Variants in MAP2K5 observed in about 807,000 individuals in gnomAD.
MAP2K5 encodes dual specificity mitogen-activated protein kinase kinase 5.
A neutral mutation model predicts 83.1 loss-of-function variants in MAP2K5; 49 were observed. That is an observed-to-expected ratio of 0.59 (90% CI 0.47 to 0.75). The LOEUF is 0.75. Among genes scored for constraint, MAP2K5 ranks in the 30% least tolerant of loss-of-function variants. The pLI, the probability that MAP2K5 is intolerant of heterozygous loss-of-function variation, is 0.00. For missense variants in MAP2K5, 457 were observed against 557.5 expected, an observed-to-expected ratio of 0.82 and a Z score of 1.82; for synonymous variants, 202 against 191.8, an observed-to-expected ratio of 1.05 and a Z score of -0.44.
Position 67,785,897 on chromosome 15 carries a change from A to G in MAP2K5, c.1242+13145A>G, listed in dbSNP as rs563260708. Among the ~76,000 whole-genome samples, 2 of 152,346 alleles carry G rather than the reference A, an allele frequency of 1.3e-5. No homozygotes were observed. Among genetic ancestry groups the G allele is most frequent in the African/African-American group, 4.8e-5 (2 of 41,584 alleles). On this transcript the variant is annotated intron_variant, in intron 21 of 21. Coordinates refer to ENST00000178640, the MANE Select transcript of MAP2K5 (RefSeq NM_145160.3). This position sits in a 1 kb window ranked among gnomAD's most constrained non-coding sequence, Gnocchi z 4.4. ...AGAAAATATAGCTTCAAGTACAGGC[A>G]CTACCTCTAGGAAACTGGGCAGGCA...
intron 13 of MAP2K5, among the ~76,000 whole-genome samples, chr15:67,678,959 T>G (rs1296879767): frequency 3.5e-5 from 1 of 28,208 alleles, no homozygotes; most frequent in Non-Finnish European, 6.4e-5. Flanking sequence ...TGACACTGCA[T>G]CTCAAAAAAA....
intron 12 of MAP2K5, among the ~76,000 whole-genome samples, chr15:67,664,013 G>T (rs987077389): frequency 6.6e-6 from 1 of 152,088 alleles, no homozygotes; most frequent in Non-Finnish European, 1.5e-5. Flanking sequence ...TATGAATTCA[G>T]CATAGGTACT....
intron 17 of MAP2K5, among the ~76,000 whole-genome samples, chr15:67,733,088 T>C (rs1041671170): frequency 2.6e-5 from 4 of 152,192 alleles, no homozygotes; most frequent in Non-Finnish European, 4.4e-5. Context: ...TCCTGCCTTG[T>C]CATTGATTAG....
chr15:67,726,281 G>A (rs2089094554), intron 16 of MAP2K5, among the ~76,000 whole-genome samples: 1 of 152,158 alleles, frequency 6.6e-6, no homozygotes, highest in South Asian at 2.1e-4. Flanking sequence ...GTTTATTCCT[G>A]TTACATGGCT....
In MAP2K5 at chr15:67,767,387, C is replaced by T. The variant is rs140737301; in HGVS notation, c.1135-2215C>T. On this transcript the variant is annotated intron_variant, in intron 19 of 21. Transcript: ENST00000178640. ...TTTAACCATCTTGGTAAATATTGAA[C>T]GACATTAAGATAGCAGGCTTTTATT... Among the ~76,000 whole-genome samples the T allele has an allele frequency of 2.8e-3, 425 of 152,196 alleles. 2 individuals are homozygous for T. The highest frequency in any genetic ancestry group is 9.9e-3 in the African/African-American group (412 of 41,506).
chr15:67,697,345 G>A (rs938968085), intron 15 of MAP2K5, among the ~76,000 whole-genome samples: 1 of 152,052 alleles, frequency 6.6e-6, no homozygotes, highest in African/African-American at 2.4e-5. Flanking sequence ...TATGACATAG[G>A]TAATATTATT....
At chr15:67,703,893 G>GA (rs201034391) in intron 16 of MAP2K5, among the ~76,000 whole-genome samples, 2,632 of 151,358 alleles carry the variant, frequency 0.017, 88 homozygotes, top group African/African-American at 0.061. Flanking sequence ...TGTTTTAAAA[G>GA]AAAAAAAAAT....
Position 67,780,781 on chromosome 15 carries a change from C to CA in MAP2K5, c.1242+8030dup, listed in dbSNP as rs1761893286. 1.3e-5 allele frequency among the ~76,000 whole-genome samples: 2 copies of CA among 152,088 alleles called. No individual in the cohort carries two copies. The highest frequency in any genetic ancestry group is 2.9e-5 in the Non-Finnish European group (2 of 68,014). ...GATAATATTCAAAACATTTAACAAC[C>CA]AGTATAGCATGAGGATTACCGTTCA... On this transcript the variant is annotated intron_variant, in intron 21 of 21. Coordinates refer to ENST00000178640, the MANE Select transcript of MAP2K5 (RefSeq NM_145160.3). The surrounding 1 kb of genome is among the most constrained non-coding windows in gnomAD (Gnocchi z 5.0).
chr15:67,770,573 G>C lies in MAP2K5; in HGVS notation c.1196+910G>C, dbSNP rs564525353. Among the ~76,000 whole-genome samples the C allele has an allele frequency of 1.4e-4, 22 of 152,280 alleles. No homozygotes were observed. In the South Asian group the frequency reaches 4.1e-3, roughly 29 times the overall value. On this transcript the variant is annotated intron_variant, in intron 20 of 21. Coordinates refer to ENST00000178640, the MANE Select transcript of MAP2K5 (RefSeq NM_145160.3). The surrounding 1 kb of genome is among the most constrained non-coding windows in gnomAD (Gnocchi z 5.0). ...TCTTTCCCTCCTTCACCAAAGTCCA[G>C]AGTCATGTCCACTGGTGGAAAATGA... is the stretch of plus-strand genomic sequence containing the variant.
rs61558595 is a variant in MAP2K5, at chr15:67,769,107, T to TAA, written c.1135-484_1135-483dup. Among the ~76,000 whole-genome samples, 895 of 149,000 alleles carry TAA rather than the reference T, an allele frequency of 6.0e-3. 6 individuals are homozygous for TAA. The highest frequency in any genetic ancestry group is 0.014 in the Middle Eastern group (4 of 290). On this transcript the variant is annotated intron_variant, in intron 19 of 21. Coordinates refer to ENST00000178640, the MANE Select transcript of MAP2K5 (RefSeq NM_145160.3). This position sits in a 1 kb window ranked among gnomAD's most constrained non-coding sequence, Gnocchi z 5.2. Reference sequence around the variant, plus strand: ...CCCTATAAAAGCCTTTCTATTAAAGTAAAAAAAAAAAATTGATCCAAATTA... The same window carrying TAA: ...CCCTATAAAAGCCTTTCTATTAAAGTAAAAAAAAAAAAAATTGATCCAAATTA...
Position 67,702,907 on chromosome 15 carries a change from A to AGGAGGTGTGGAAC in MAP2K5, c.973-430_973-429insGGAGGTGTGGAAC, listed in dbSNP as rs2088456466. On this transcript the variant is annotated intron_variant, in intron 15 of 21. Coordinates refer to ENST00000178640, the MANE Select transcript of MAP2K5 (RefSeq NM_145160.3). The surrounding 1 kb of genome is among the most constrained non-coding windows in gnomAD (Gnocchi z 4.6). Reference sequence around the variant, plus strand: ...AAAAGAAACCCTCCTGTTCCAGACCAATCTATCAAAATGCAAATAAGTGAT... The same window carrying AGGAGGTGTGGAAC: ...AAAAGAAACCCTCCTGTTCCAGACCAGGAGGTGTGGAACATCTATCAAAATGCAAATAAGTGAT... Among the ~76,000 whole-genome samples, 7 of 152,246 alleles carry AGGAGGTGTGGAAC rather than the reference A, an allele frequency of 4.6e-5. No individual in the cohort carries two copies. The highest frequency in any genetic ancestry group is 1.7e-4 in the African/African-American group (7 of 41,468).
intron 19 of MAP2K5, among the ~76,000 whole-genome samples, chr15:67,751,175 G>A (rs1419335411): frequency 6.6e-6 from 1 of 152,076 alleles, no homozygotes; most frequent in East Asian, 1.9e-4. Flanking sequence ...GCTACCAGAT[G>A]TCCAAACAGA....
intron 16 of MAP2K5, among the ~76,000 whole-genome samples, chr15:67,706,955 G>A (rs1038843132): frequency 3.3e-5 from 5 of 152,242 alleles, no homozygotes; most frequent in East Asian, 3.9e-4. Flanking sequence ...TTGCTCTGTC[G>A]CCCAGGCTGC....
At chr15:67,624,979 C>T (rs1465461939) in intron 8 of MAP2K5, among the ~76,000 whole-genome samples, 46 of 152,094 alleles carry the variant, frequency 3.0e-4, no homozygotes, top group Non-Finnish European at 1.5e-5. Flanking sequence ...CATATTCTGT[C>T]GCGGCTCGTC....
At chr15:67,697,042 G>A (rs573348104) in intron 15 of MAP2K5, among the ~76,000 whole-genome samples, 3 of 152,312 alleles carry the variant, frequency 2.0e-5, no homozygotes, top group Admixed American at 1.3e-4. Flanking sequence ...CAAACAGTAT[G>A]TGAAAAGGAT....
intron 13 of MAP2K5, among the ~76,000 whole-genome samples, chr15:67,680,752 T>C (rs1421449856): frequency 6.6e-6 from 1 of 152,214 alleles, no homozygotes; most frequent in Non-Finnish European, 1.5e-5. Flanking sequence ...AAAGATTTAT[T>C]GCATCATCGT....
At chr15:67,696,971 C>T (rs2088280075) in intron 15 of MAP2K5, among the ~76,000 whole-genome samples, 1 of 152,104 alleles carries the variant, frequency 6.6e-6, no homozygotes, top group Non-Finnish European at 1.5e-5. Flanking sequence ...AAGAGTGAAA[C>T]TCAGTCTCAA....
intron 8 of MAP2K5, among the ~76,000 whole-genome samples, chr15:67,624,232 G>A (rs1033515339): frequency 2.6e-5 from 4 of 151,360 alleles, no homozygotes; most frequent in African/African-American, 7.3e-5. Context: ...TTAGCTACTC[G>A]GGAGGCTGAG....
rs199695560 is a variant in MAP2K5, at chr15:67,769,633, C to T, written c.1166C>T (p.Ser389Leu). 1 of 1,613,630 alleles carries T rather than the reference C, an allele frequency of 6.2e-7. No individual in the cohort carries two copies. Among genetic ancestry groups the T allele is most frequent in the African/African-American group, 1.3e-5 (1 of 74,886 alleles). The part of the protein sequence containing the change: ...DSPVLPVGEF[S>L]EPFVHFITQC... ...CCCGTCCTTCCAGTTGGAGAGTTCT[C>T]GGAGCCATTTGTACATTTCATCACT... Residue 389 changes from serine to leucine, a missense_variant, in exon 20 of 22, where the codon TCG becomes TTG. By Grantham distance (145) the Ser-to-Leu change is moderately radical. This residue lies in a region of MAP2K5 where 168 missense variants were observed against 263.0 expected (regional missense o/e 0.64). Coordinates refer to ENST00000178640, the MANE Select transcript of MAP2K5 (RefSeq NM_145160.3). The surrounding 1 kb of genome is among the most constrained non-coding windows in gnomAD (Gnocchi z 5.2).
Sources: gnomAD v4.1 joint callset for allele counts (sites outside exome capture counted in the v4.1 genomes callset) on GRCh38, gnomAD v4.1.1 for gene constraint, gnomAD v4.1.1 regional missense constraint, Gnocchi (gnomAD v3.1) non-coding constraint, MANE v1.5 for transcripts, NCBI Gene and HGNC (gene_info 2026-07-23, HGNC 2026-07-21) for gene names.